The following C10orf67 variants were observed in gnomAD, a reference collection of about 807,000 sequenced individuals.
The protein encoded by C10orf67 is uncharacterized protein C10orf67, mitochondrial.
C10orf67 carries 60 observed loss-of-function variants against 35.6 expected under a neutral mutation model. The observed-to-expected ratio is 1.68, with a 90% CI of 1.37 to 2.09. The LOEUF (loss-of-function observed/expected upper bound fraction) is 2.09. Ranked by LOEUF, C10orf67 falls within the 30% of genes most tolerant of loss-of-function variation. The pLI, the probability that C10orf67 is intolerant of heterozygous loss-of-function variation, is 0.00. For missense variants in C10orf67, 474 were observed against 330.2 expected (o/e 1.44, Z -3.38); for synonymous variants, 167 against 115.8 (o/e 1.44, Z -2.84).
At chr10:23,319,594 CA>C (rs1769339106) in intron 4 of C10orf67, among the ~76,000 whole-genome samples, 1 of 152,228 alleles carries the variant, frequency 6.6e-6, no homozygotes, top group Non-Finnish European at 1.5e-5. Context: ...CTGCTTTCCA[CA>C]GTGGCTGAAC....
At chr10:23,329,321 G>A (rs1845337671) in intron 2 of C10orf67, among the ~76,000 whole-genome samples, 1 of 151,812 alleles carries the variant, frequency 6.6e-6, no homozygotes, top group African/African-American at 2.4e-5. Context: ...ATAATTTGAA[G>A]ATTTACCAAA....
intron 4 of C10orf67, chr10:23,316,818 C>T (rs1398608928): frequency 6.6e-6 from 1 of 152,424 alleles, no homozygotes; most frequent in Non-Finnish European, 1.5e-5. Context: ...AGGTCATCCC[C>T]ACTTCTGCCA....
intron 8 of C10orf67, among the ~76,000 whole-genome samples, chr10:23,274,511 C>A (rs1282725124): frequency 6.6e-6 from 1 of 152,088 alleles, no homozygotes; most frequent in Admixed American, 6.6e-5. Flanking sequence ...GGTGATATTT[C>A]TCCTACTCAC....
intron 12 of C10orf67, 132 bp downstream of exon 12, chr10:23,250,323 A>G (rs1842414946): frequency 2.5e-6 from 1 of 393,046 alleles, no homozygotes; most frequent in Non-Finnish European, 4.5e-6. Context: ...TAGACCAATT[A>G]TTTTGCATTT....
intron 1 of C10orf67, among the ~76,000 whole-genome samples, chr10:23,338,430 T>C (rs1181221243): frequency 6.6e-6 from 1 of 152,104 alleles, no homozygotes; most frequent in South Asian, 2.1e-4. Flanking sequence ...TAGCGACAGG[T>C]TGATAGCACT....
At chr10:23,306,423 T>C (rs932082696) in intron 4 of C10orf67, among the ~76,000 whole-genome samples, 6 of 150,556 alleles carry the variant, frequency 4.0e-5, no homozygotes, top group Admixed American at 2.7e-4. Context: ...ACTTGGGAGG[T>C]TGAGGCAGGA....
At chr10:23,270,557 G>A (rs1005016948) in intron 8 of C10orf67, among the ~76,000 whole-genome samples, 2 of 152,220 alleles carry the variant, frequency 1.3e-5, no homozygotes, top group Non-Finnish European at 1.5e-5. Flanking sequence ...GAAGGGGACT[G>A]AATCCAGGTA....
intron 12 of C10orf67, among the ~76,000 whole-genome samples, chr10:23,249,173 G>T (rs564380256): frequency 7.1e-4 from 98 of 138,950 alleles, no homozygotes; most frequent in African/African-American, 2.6e-3. Flanking sequence ...AAACTGATAC[G>T]TTCTTGTAAA....
Position 23,204,209 on chromosome 10 carries a change from G to C in C10orf67, c.1617C>G (p.Ser539=), listed in dbSNP as rs1022277033. Residue 539 remains serine, a synonymous_variant, in exon 16 of 16, where the codon TCC becomes TCG. Transcript: ENST00000636213. ...TCTCTGCGGGGCTGCTCTGGCGCAT[G>C]GAGGGCTCCTCCAAGGACTCTTCTT... ...SPKEESLEEP[S]MRQSSPAETV... 3 of 652,002 alleles carry C rather than the reference G, an allele frequency of 4.6e-6. No individual in the cohort carries two copies. The highest frequency in any genetic ancestry group is 3.7e-5 in the African/African-American group (2 of 54,402). 40.4% of individuals were successfully genotyped at this position (652,002 alleles called of 1,614,324 possible). A position where few individuals can be genotyped will look rare whatever the true frequency, so the allele number is the denominator to read the frequency against.
At chr10:23,337,701 A>G (rs962179217) in intron 1 of C10orf67, among the ~76,000 whole-genome samples, 2 of 152,236 alleles carry the variant, frequency 1.3e-5, no homozygotes, top group African/African-American at 4.8e-5. Context: ...AACAAGGTCA[A>G]GGTTAATGAG....
rs1223368772 is a variant in C10orf67 at position 23,266,409 on chromosome 10, C to T, written c.1053G>A (p.Lys351=). ...ATGGGGACAAAGAGGCTTCTCTCCC[C>T]TTGGCTGATCTTGCAACCTGCCACA... The part of the protein sequence containing the change: ...SLSVKVARSA[K]GREASLSPWP... The change falls in exon 10 of 16, where the codon AAG becomes AAA. Residue 351 remains lysine (K), a synonymous_variant. Coordinates refer to ENST00000636213, the MANE Select transcript of C10orf67 (RefSeq NM_001371909.1). The T allele has an allele frequency of 5.0e-6, 2 of 398,636 alleles. No homozygotes were observed. The highest frequency in any genetic ancestry group is 4.4e-6 in the Non-Finnish European group (1 of 226,066). 24.7% of individuals were successfully genotyped at this position (398,636 alleles called of 1,614,324 possible).
intron 3 of C10orf67, among the ~76,000 whole-genome samples, chr10:23,321,267 C>T (rs1844944443): frequency 6.6e-6 from 1 of 152,136 alleles, no homozygotes; most frequent in Admixed American, 6.5e-5. Context: ...TTTAGATTAA[C>T]AATAGAAGAG....
intron 15 of C10orf67, among the ~76,000 whole-genome samples, chr10:23,222,581 T>A (rs1841613991): frequency 6.6e-6 from 1 of 151,938 alleles, no homozygotes; most frequent in African/African-American, 2.4e-5. Flanking sequence ...ATGAGTTCCA[T>A]CAAAGCCCAA....
chr10:23,340,963 C>T (rs988573512), intron 1 of C10orf67, among the ~76,000 whole-genome samples: 2 of 152,106 alleles, frequency 1.3e-5, no homozygotes, highest in African/African-American at 4.8e-5. Flanking sequence ...ATTGTCCATC[C>T]TACAAATGCT....
chr10:23,273,003 T>A (rs1369809391), intron 8 of C10orf67, among the ~76,000 whole-genome samples: 2 of 152,260 alleles, frequency 1.3e-5, no homozygotes, highest in African/African-American at 4.8e-5. Context: ...ATTGCTTATA[T>A]ATAGAAGTAC....
chr10:23,289,337 T>C (rs190372659), intron 7 of C10orf67, among the ~76,000 whole-genome samples: 1 of 152,182 alleles, frequency 6.6e-6, no homozygotes, highest in Non-Finnish European at 1.5e-5. Context: ...CTAATTTTTT[T>C]AATTTTTATA....
intron 8 of C10orf67, among the ~76,000 whole-genome samples, chr10:23,279,765 C>A (rs1270904745): frequency 6.6e-6 from 1 of 151,802 alleles, no homozygotes; most frequent in East Asian, 1.9e-4. Context: ...TACAATCACT[C>A]TAGGTTGCAT....
At chr10:23,242,767 TAAAAG>T (rs1373449109) in intron 12 of C10orf67, among the ~76,000 whole-genome samples, 1 of 151,434 alleles carries the variant, frequency 6.6e-6, no homozygotes, top group African/African-American at 2.4e-5. Flanking sequence ...AACAAATTAA[TAAAAG>T]AAAATATGGA....
chr10:23,318,579 G>T, intron 4 of C10orf67: 2 of 277,230 alleles, frequency 7.2e-6, no homozygotes, highest in Non-Finnish European at 1.4e-5. Context: ...AGGGGAATCA[G>T]ATTCCACCTC....
Sources: allele counts gnomAD v4.1 joint callset (sites outside exome capture counted in the v4.1 genomes callset), GRCh38; gene constraint gnomAD v4.1.1; transcripts MANE v1.5; gene names NCBI Gene and HGNC (gene_info 2026-07-23, HGNC 2026-07-21).